The following AK9 variants were observed in gnomAD, a reference collection of about 807,000 sequenced individuals.
AK9 encodes the protein adenylate kinase 9.
A neutral mutation model predicts 239.6 loss-of-function variants in AK9; 191 were observed. The ratio of observed to expected loss-of-function variants is 0.80; its 90% CI spans 0.71 to 0.90. AK9 has a LOEUF of 0.90. Among genes scored for constraint, AK9 ranks in the 40% least tolerant of loss-of-function variants. AK9 has a pLI of 0.00. For synonymous variants in AK9, 689 were observed against 721.0 expected, an observed-to-expected ratio of 0.96 and a Z score of 0.71; for missense variants, 1,995 against 2,214.7, an observed-to-expected ratio of 0.90 and a Z score of 1.99.
chr6:109,518,715 ATTAT>A (rs1183365199), intron 29 of AK9, among the ~76,000 whole-genome samples: 4 of 151,930 alleles, frequency 2.6e-5, no homozygotes, highest in Admixed American at 6.6e-5. Context: ...CATAAATGGG[ATTAT>A]TTTATTTTCT....
intron 17 of AK9, among the ~76,000 whole-genome samples, chr6:109,609,949 G>A (rs1793371623): frequency 6.6e-6 from 1 of 151,888 alleles, no homozygotes; most frequent in Non-Finnish European, 1.5e-5. Flanking sequence ...TCTCCCCTAT[G>A]AACACATGTT....
At chr6:109,656,017 C>G (rs569666797) in intron 8 of AK9, among the ~76,000 whole-genome samples, 73 of 152,282 alleles carry the variant, frequency 4.8e-4, no homozygotes, top group African/African-American at 1.8e-3. Context: ...GAAACACATT[C>G]TTTAGTTTCT....
intron 12 of AK9, chr6:109,631,566 C>T (rs1796091535): frequency 6.6e-6 from 1 of 152,158 alleles, no homozygotes; most frequent in Non-Finnish European, 1.5e-5. Flanking sequence ...ACAGAACTCT[C>T]ATATACTCCT....
chr6:109,651,269 A>G (rs1798897751), intron 8 of AK9, among the ~76,000 whole-genome samples: 1 of 152,018 alleles, frequency 6.6e-6, no homozygotes, highest in African/African-American at 2.4e-5. Context: ...GAAACTCACT[A>G]AAAGCCGCAG....
intron 6 of AK9, among the ~76,000 whole-genome samples, chr6:109,662,340 G>A (rs1441306012): frequency 1.3e-5 from 2 of 152,168 alleles, no homozygotes; most frequent in Non-Finnish European, 2.9e-5. Context: ...ATGGCTATGA[G>A]GAAGCCTGGT....
rs1347111575 is a variant in AK9, at chr6:109,533,192, A to G, written c.3570+59T>C. ...TATTTTTTGTGAAGATCACTTTATA[A>G]TAGATCACTAAACAGATGCTGAACA... On this transcript the variant is annotated intron_variant, in intron 28 of 40. Coordinates refer to ENST00000424296, the MANE Select transcript of AK9 (RefSeq NM_001145128.3). 3 of 1,349,414 alleles carry G rather than the reference A, an allele frequency of 2.2e-6. No individual in the cohort carries two copies. The East Asian group carries it at 7.0e-5, about 32-fold the overall frequency. 83.6% of individuals were successfully genotyped at this position (1,349,414 alleles called of 1,614,324 possible).
intron 17 of AK9, among the ~76,000 whole-genome samples, chr6:109,592,414 G>A (rs567124115): frequency 6.6e-6 from 1 of 151,206 alleles, no homozygotes; most frequent in East Asian, 1.9e-4. Context: ...AAGGTTTCTG[G>A]TGAGAAGTCT....
intron 16 of AK9, among the ~76,000 whole-genome samples, chr6:109,611,425 T>C (rs1387837559): frequency 6.6e-6 from 1 of 152,182 alleles, no homozygotes; most frequent in Non-Finnish European, 1.5e-5. Context: ...GTCCACCCAA[T>C]ATCCATTCGC....
At position 109,614,395 on chromosome 6, in the gene AK9, A is replaced by C; in HGVS notation, c.1485T>G (p.Ile495Met). ...VFPMEATHSS[I>M]DEEGYIQGSQ... Reference sequence around the variant, plus strand: ...AATATATTTCTTTACCTTCTTCATCAATTGATGAGTGTGTTGCCTCCATTG... The same window carrying C: ...AATATATTTCTTTACCTTCTTCATCCATTGATGAGTGTGTTGCCTCCATTG... Residue 495 changes from isoleucine (I) to methionine (M), a missense_variant, in exon 14 of 41, where the codon ATT (isoleucine) becomes ATG (methionine). Ile to Met is a conservative substitution (Grantham distance 10). This residue lies in a region of AK9 where 1,290 missense variants were observed against 1,392.7 expected (regional missense o/e 0.93). Transcript: ENST00000424296. 1 of 1,551,172 alleles carries C rather than the reference A, an allele frequency of 6.4e-7. No individual in the cohort carries two copies. The highest frequency in any genetic ancestry group is 8.7e-7 in the Non-Finnish European group (1 of 1,146,636).
At position 109,598,757 on chromosome 6, in the gene AK9, A is replaced by T. The variant is rs1791443944; in HGVS notation, c.1842+11608T>A. The stretch of plus-strand genomic sequence containing the variant: ...CCTGTTGTTTCCTGACTTTTTAATG[A>T]TCGCCATTCTAACTGGTGTGAGATG... On this transcript the variant is annotated intron_variant, in intron 17 of 40. Coordinates refer to ENST00000424296, the MANE Select transcript of AK9 (RefSeq NM_001145128.3). 2.0e-5 allele frequency among the ~76,000 whole-genome samples: 3 copies of T among 152,232 alleles called. No individual in the cohort carries two copies. In the South Asian group the frequency reaches 6.2e-4, roughly 32 times the overall value.
chr6:109,652,316 TC>T (rs1381435961), intron 8 of AK9, among the ~76,000 whole-genome samples: 4 of 151,708 alleles, frequency 2.6e-5, no homozygotes, highest in Non-Finnish European at 5.9e-5. Flanking sequence ...CATGATTATC[TC>T]AATAGATGCA....
rs1583095774 is a variant in AK9, at chr6:109,579,618, G to A, written c.2123C>T (p.Thr708Ile). 5.2e-6 allele frequency: 8 copies of A among 1,550,464 alleles called. No individual in the cohort carries two copies. In the East Asian group the frequency reaches 2.0e-4, roughly 38 times the overall value. Residue 708 changes from threonine (T) to isoleucine (I), a missense_variant, in exon 20 of 41, where the codon ACA becomes ATA. Physicochemically the swap from Thr to Ile is moderately conservative, Grantham distance 89. Around this residue, in one of 5 missense-constraint regions of AK9, gnomAD observed 1,290 missense variants for 1,392.7 expected, o/e 0.93. Coordinates refer to ENST00000424296, the MANE Select transcript of AK9 (RefSeq NM_001145128.3). ...KKEEEEARKATEEELRLEEEN... is the reference protein window; with the variant it reads ...KKEEEEARKAIEEELRLEEEN... ...TTCTTCGAGTCTCAATTCCTCTTCT[G>A]TGGCTTTTCTGAAATGAAAAGGTTC... is the stretch of plus-strand genomic sequence containing the variant.
intron 15 of AK9, among the ~76,000 whole-genome samples, 196 bp downstream of exon 15, chr6:109,613,987 G>A (rs772498999): frequency 2.6e-5 from 4 of 151,996 alleles, no homozygotes; most frequent in Non-Finnish European, 5.9e-5. Flanking sequence ...CCATTTATAT[G>A]TTTTCTTCTT....
intron 10 of AK9, among the ~76,000 whole-genome samples, chr6:109,638,976 T>C (rs1316983752): frequency 6.6e-6 from 1 of 152,222 alleles, no homozygotes; most frequent in African/African-American, 2.4e-5. Context: ...GCAAAGGACA[T>C]GAACTCATCC....
chr6:109,539,013 C>A (rs1429166960), intron 27 of AK9, among the ~76,000 whole-genome samples: 2 of 152,186 alleles, frequency 1.3e-5, no homozygotes, highest in Non-Finnish European at 2.9e-5. Context: ...GTTAACCCGA[C>A]CTTTCTCTCT....
At position 109,585,130 on chromosome 6, in the gene AK9, C is replaced by G; in HGVS notation, c.2107G>C (p.Glu703Gln). Residue 703 changes from glutamate to glutamine, a missense_variant, in exon 19 of 41, where the codon GAA becomes CAA. Around this residue, in one of 5 missense-constraint regions of AK9, gnomAD observed 1,290 missense variants for 1,392.7 expected, o/e 0.93. Coordinates refer to ENST00000424296, the MANE Select transcript of AK9 (RefSeq NM_001145128.3). The stretch of plus-strand genomic sequence containing the variant: ...ATTCTAGGCAGATTTTACCTTGCTT[C>G]TTCTTCTTCTTTTTTTTTCTTTTGT... ...ELQKKKKEEE[E>Q]ARKATEEELR... The G allele has an allele frequency of 9.4e-7, 1 of 1,068,922 alleles. No individual in the cohort carries two copies. The highest frequency in any genetic ancestry group is 1.2e-6 in the Non-Finnish European group (1 of 867,090). The allele number at this position is 1,068,922 out of a possible 1,614,324, so 66.2% of individuals were successfully genotyped here.
intron 1 of AK9, among the ~76,000 whole-genome samples, chr6:109,684,422 T>C (rs1773146327): frequency 6.6e-6 from 1 of 152,016 alleles, no homozygotes; most frequent in South Asian, 2.1e-4. Flanking sequence ...TTAAAGAGGT[T>C]CTGCACAGCA....
intron 12 of AK9, among the ~76,000 whole-genome samples, chr6:109,627,133 CTTTT>C (rs71018357): frequency 1.5e-5 from 1 of 67,306 alleles, no homozygotes; most frequent in Non-Finnish European, 2.7e-5. Context: ...GATGTTTAAG[CTTTT>C]TTTTTTTTTT....
rs552486265 is a variant in AK9 at position 109,674,551 on chromosome 6, T to C, written c.118-290A>G. Reference sequence around the variant, plus strand: ...GGTACTGCACAATTTTAACTGTCAATTTTTATAATTTTGATTACAAATCAT... The same window carrying C: ...GGTACTGCACAATTTTAACTGTCAACTTTTATAATTTTGATTACAAATCAT... On this transcript the variant is annotated intron_variant, in intron 2 of 40. Transcript: ENST00000424296. Among the ~76,000 whole-genome samples the C allele has an allele frequency of 2.6e-5, 4 of 152,346 alleles. No homozygotes were observed. In the East Asian group the frequency reaches 7.7e-4, roughly 29 times the overall value.
Sources: gnomAD v4.1 joint callset for allele counts (sites outside exome capture counted in the v4.1 genomes callset) on GRCh38, gnomAD v4.1.1 for gene constraint, gnomAD v4.1.1 regional missense constraint, MANE v1.5 for transcripts, NCBI Gene and HGNC (gene_info 2026-07-23, HGNC 2026-07-21) for gene names.